TERB1: variants seen among roughly 807,000 people sequenced by gnomAD.
The protein encoded by TERB1 is telomere repeats-binding bouquet formation protein 1.
Under a neutral mutation model 92.3 loss-of-function variants are expected in TERB1, and 63 were observed. The ratio of observed to expected loss-of-function variants is 0.68; its 90% CI spans 0.56 to 0.84. The LOEUF is 0.84. Ranked by LOEUF, TERB1 falls within the 40% of genes least tolerant of loss-of-function variation. The pLI is 0.00. For missense variants in TERB1, 709 were observed against 843.7 expected (o/e 0.84, Z 1.98); for synonymous variants, 252 against 283.9 (o/e 0.89, Z 1.13).
At chr16:66,757,479 T>C (rs543581363) in intron 18 of TERB1, among the ~76,000 whole-genome samples, 5 of 152,350 alleles carry the variant, frequency 3.3e-5, no homozygotes, top group Admixed American at 6.5e-5. Context: ...AAGTGCATGA[T>C]GTTTCTATGA....
At chr16:66,770,418 T>C (rs2018427677) in intron 13 of TERB1, 109 bp from the exon 14 acceptor site, 1 of 732,734 alleles carries the variant, frequency 1.4e-6, no homozygotes, top group African/African-American at 1.8e-5. Context: ...TGATTGCCAA[T>C]AGAACATATA....
intron 9 of TERB1, among the ~76,000 whole-genome samples, chr16:66,780,417 A>G (rs1339473716): frequency 6.6e-6 from 1 of 150,524 alleles, no homozygotes; most frequent in Non-Finnish European, 1.5e-5. Flanking sequence ...AAAAAAATTG[A>G]AAATTAGCCA....
chr16:66,770,599 C>T (rs1239535425), intron 13 of TERB1, among the ~76,000 whole-genome samples: 1 of 151,902 alleles, frequency 6.6e-6, no homozygotes, highest in Non-Finnish European at 1.5e-5. Flanking sequence ...CATATATGTT[C>T]TAAAAGAAAC....
chr16:66,795,436 T>G (rs113828464), intron 3 of TERB1, among the ~76,000 whole-genome samples: 1 of 152,156 alleles, frequency 6.6e-6, no homozygotes. Context: ...TCTGTCTTCT[T>G]TTTCCTATCT....
chr16:66,760,443 C>T (rs565950493), intron 16 of TERB1, among the ~76,000 whole-genome samples: 1 of 110,374 alleles, frequency 9.1e-6, no homozygotes, highest in Non-Finnish European at 1.7e-5. Flanking sequence ...GGTGACAGAG[C>T]GAGACTCCAT....
chr16:66,769,488 T>C (rs562227633), intron 14 of TERB1, among the ~76,000 whole-genome samples: 2 of 152,304 alleles, frequency 1.3e-5, no homozygotes, highest in Non-Finnish European at 2.9e-5. Context: ...GGAAAAAGAC[T>C]ATGTTCTAGA....
chr16:66,770,399 A>G (rs2018427316), intron 13 of TERB1, 90 bp from the exon 14 acceptor site: 3 of 901,100 alleles, frequency 3.3e-6, no homozygotes, highest in Non-Finnish European at 4.9e-6. Flanking sequence ...AGAATGAAGA[A>G]AAAGTTTATG....
intron 16 of TERB1, among the ~76,000 whole-genome samples, chr16:66,766,306 G>C (rs1326426185): frequency 6.6e-5 from 10 of 152,162 alleles, no homozygotes; most frequent in Admixed American, 2.6e-4. Context: ...ATGAGATTCA[G>C]CTTATGGCTG....
At position 66,760,989 on chromosome 16, in the gene TERB1, G is replaced by A. The variant is rs571135379; in HGVS notation, c.1781-1699C>T. 2.6e-3 allele frequency among the ~76,000 whole-genome samples: 382 copies of A among 146,108 alleles called. 1 individual carries two copies. The highest frequency in any genetic ancestry group is 9.3e-3 in the African/African-American group (364 of 39,298). Reference sequence around the variant, plus strand: ...TAGCCAGGCATGGTGGTGGGTGCCTGTAGTCCCAGCTACTTGGGAGGCTGA... The same window carrying A: ...TAGCCAGGCATGGTGGTGGGTGCCTATAGTCCCAGCTACTTGGGAGGCTGA... On this transcript the variant is annotated intron_variant, in intron 16 of 18. Coordinates refer to ENST00000433154, the MANE Select transcript of TERB1 (RefSeq NM_001136505.2).
intron 6 of TERB1, 54 bp from the exon 7 acceptor site, chr16:66,786,339 G>C: frequency 8.2e-7 from 1 of 1,224,340 alleles, no homozygotes; most frequent in South Asian, 1.4e-5. Context: ...TAGTCTTGCA[G>C]AAATGAAGAA....
chr16:66,786,535 T>C (rs2018731811), intron 6 of TERB1, among the ~76,000 whole-genome samples: 1 of 152,238 alleles, frequency 6.6e-6, no homozygotes, highest in Non-Finnish European at 1.5e-5. Context: ...TGCATCATGG[T>C]TCTGTGTTGC....
chr16:66,796,013 T>C (rs2018924755), intron 3 of TERB1, among the ~76,000 whole-genome samples: 1 of 152,164 alleles, frequency 6.6e-6, no homozygotes, highest in Admixed American at 6.5e-5. Context: ...CCTCCCAAAG[T>C]GCTGGAATGA....
At chr16:66,759,742 G>A (rs1406035840) in intron 16 of TERB1, among the ~76,000 whole-genome samples, 1 of 142,890 alleles carries the variant, frequency 7.0e-6, no homozygotes, top group African/African-American at 2.6e-5. Context: ...AGGTTTCAGT[G>A]AGCTGAGATT....
chr16:66,797,101 C>T (rs1959200015), intron 2 of TERB1, among the ~76,000 whole-genome samples: 1 of 152,110 alleles, frequency 6.6e-6, no homozygotes, highest in African/African-American at 2.4e-5. Flanking sequence ...AGAGATGTTA[C>T]CATAATTACA....
intron 14 of TERB1, 42 bp downstream of exon 14, chr16:66,769,921 T>C: frequency 7.4e-7 from 1 of 1,350,946 alleles, no homozygotes; most frequent in Non-Finnish European, 1.0e-6. Context: ...CAATAAATGC[T>C]TGCTGAATAA....
At chr16:66,782,555 A>T (rs867894882) in intron 9 of TERB1, among the ~76,000 whole-genome samples, 31 of 152,050 alleles carry the variant, frequency 2.0e-4, no homozygotes, top group Middle Eastern at 3.4e-3. Flanking sequence ...GTCTCAAAAA[A>T]AAAAAAAAAA....
rs182024027 is a variant in TERB1 at position 66,796,822 on chromosome 16, A to G, written c.-24T>C. On this transcript the variant is annotated 5_prime_UTR_variant, in exon 3 of 19. Transcript: ENST00000433154. The stretch of plus-strand genomic sequence containing the variant: ...ATGCTTGTCTATATTCTTTTTCCTT[A>G]TATTTTGTCTATAAGATAAAGGTAT... 6 of 1,468,264 alleles carry G rather than the reference A, an allele frequency of 4.1e-6. No individual in the cohort carries two copies. The highest frequency in any genetic ancestry group is 5.6e-6 in the Non-Finnish European group (6 of 1,073,056). The allele number at this position is 1,468,264 out of a possible 1,614,324, so 91.0% of individuals were successfully genotyped here. A position where few individuals can be genotyped will look rare whatever the true frequency, so the allele number is the denominator to read the frequency against.
chr16:66,801,590 G>C (rs1220500381), upstream of TERB1: 3 of 152,248 alleles, frequency 2.0e-5, no homozygotes, highest in African/African-American at 7.2e-5. Flanking sequence ...CGCACGACAG[G>C]GTTTCCCGCC....
intron 11 of TERB1, 21 bp from the exon 12 acceptor site, chr16:66,775,264 G>A (rs1279973616): frequency 2.6e-6 from 4 of 1,538,996 alleles, no homozygotes; most frequent in African/African-American, 2.8e-5. Flanking sequence ...TAAACAAAGA[G>A]GACAATGTTT....
Sources: allele counts gnomAD v4.1 joint callset (sites outside exome capture counted in the v4.1 genomes callset), GRCh38; gene constraint gnomAD v4.1.1; transcripts MANE v1.5; gene names NCBI Gene and HGNC (gene_info 2026-07-23, HGNC 2026-07-21).